Variants in NDFIP2 observed in about 807,000 individuals in gnomAD.
NDFIP2 encodes NEDD4 family-interacting protein 2.
NDFIP2 carries 19 observed loss-of-function variants against 36.0 expected under a neutral mutation model. The ratio of observed to expected loss-of-function variants is 0.53; its 90% confidence interval spans 0.37 to 0.77. The LOEUF is 0.77. NDFIP2 is among the 30% of genes least tolerant of loss of function. The pLI, the probability that NDFIP2 is intolerant of heterozygous loss-of-function variation, is 0.00. For missense variants in NDFIP2, 446 were observed against 435.8 expected, an observed-to-expected ratio of 1.02 and a Z score of -0.21; for synonymous variants, 181 against 167.7, an observed-to-expected ratio of 1.08 and a Z score of -0.61.
At chr13:79,544,388 A>G (rs1187169716) in intron 5 of NDFIP2, among the ~76,000 whole-genome samples, 1 of 152,090 alleles carries the variant, frequency 6.6e-6, no homozygotes, top group African/African-American at 2.4e-5. Flanking sequence ...TAGTCTCCAG[A>G]TAGTTTTCTG....
chr13:79,494,822 C>T (rs868057758), intron 1 of NDFIP2, among the ~76,000 whole-genome samples: 1 of 151,930 alleles, frequency 6.6e-6, no homozygotes, highest in African/African-American at 2.4e-5. Flanking sequence ...ATTTTAATGT[C>T]TGTAATACCT....
intron 1 of NDFIP2, among the ~76,000 whole-genome samples, chr13:79,518,405 TATA>T (rs1874433651): frequency 6.6e-6 from 1 of 152,242 alleles, no homozygotes; most frequent in South Asian, 2.1e-4. Context: ...TTTGTTAAGT[TATA>T]ATACATTCAC....
chr13:79,539,662 C>G lies in NDFIP2; in HGVS notation c.622-20C>G. The G allele has an allele frequency of 1.3e-6, 2 of 1,592,790 alleles. No homozygotes were observed. The highest frequency in any genetic ancestry group is 1.7e-6 in the Non-Finnish European group (2 of 1,161,362). On this transcript the variant is annotated intron_variant, in intron 3 of 7. Transcript: ENST00000218652. ...AAGTTGTAATTTTTAGTGAGCTATT[C>G]CAATGTTACATATTTACAGATTCAG... is the stretch of plus-strand genomic sequence containing the variant.
At chr13:79,535,090 A>C (rs896302891) in intron 3 of NDFIP2, among the ~76,000 whole-genome samples, 6 of 152,176 alleles carry the variant, frequency 3.9e-5, no homozygotes, top group African/African-American at 1.4e-4. Flanking sequence ...ACAGAGGAGG[A>C]GGATAGATCT....
At chr13:79,524,634 A>G (rs193150581) in intron 2 of NDFIP2, among the ~76,000 whole-genome samples, 1 of 152,364 alleles carries the variant, frequency 6.6e-6, no homozygotes, top group African/African-American at 2.4e-5. Flanking sequence ...TATTATTAAT[A>G]GGACTTTAAA....
chr13:79,503,138 T>C (rs1873730398), intron 1 of NDFIP2, among the ~76,000 whole-genome samples: 1 of 152,104 alleles, frequency 6.6e-6, no homozygotes, highest in Non-Finnish European at 1.5e-5. Context: ...AAGCTTATTT[T>C]CCTCCATGAA....
At chr13:79,526,750 A>G (rs1042118921) in intron 2 of NDFIP2, among the ~76,000 whole-genome samples, 1 of 152,208 alleles carries the variant, frequency 6.6e-6, no homozygotes, top group Non-Finnish European at 1.5e-5. Flanking sequence ...TGGCTGGTCA[A>G]GAATTTAAAA....
chr13:79,503,085 T>A (rs1481540501), intron 1 of NDFIP2, among the ~76,000 whole-genome samples: 1 of 152,022 alleles, frequency 6.6e-6, no homozygotes, highest in African/African-American at 2.4e-5. Flanking sequence ...TAATGCTAAG[T>A]TTAGAGCTGC....
At chr13:79,503,534 C>A (rs1415593969) in intron 1 of NDFIP2, among the ~76,000 whole-genome samples, 1 of 151,952 alleles carries the variant, frequency 6.6e-6, no homozygotes, top group Non-Finnish European at 1.5e-5. Flanking sequence ...AATGTTGAGG[C>A]CAGAAGGTTG....
At chr13:79,548,079 G>T (rs1453989126) in intron 5 of NDFIP2, among the ~76,000 whole-genome samples, 2 of 151,966 alleles carry the variant, frequency 1.3e-5, no homozygotes, top group East Asian at 3.8e-4. Flanking sequence ...TTCTTGCGGG[G>T]AGTTTGAAAC....
In NDFIP2 at chr13:79,520,293, G is replaced by C. The variant is rs371107007; in HGVS notation, c.322-517G>C. ...AGATGGTATTGTGGCTATGTTATTA[G>C]GATTTTTGCTTTTCTTTGTAGTATG... On this transcript the variant is annotated intron_variant, in intron 1 of 7. Coordinates refer to ENST00000218652, the MANE Select transcript of NDFIP2 (RefSeq NM_019080.3). Among the ~76,000 whole-genome samples, 11 of 152,286 alleles carry C rather than the reference G, an allele frequency of 7.2e-5. No individual in the cohort carries two copies. The East Asian group carries it at 2.1e-3, about 29-fold the overall frequency.
chr13:79,485,378 G>T (rs1872928667), intron 1 of NDFIP2, among the ~76,000 whole-genome samples: 1 of 152,208 alleles, frequency 6.6e-6, no homozygotes, highest in Non-Finnish European at 1.5e-5. Flanking sequence ...CACACACTCA[G>T]CAAGAATGTG....
At chr13:79,497,384 C>T (rs1873472250) in intron 1 of NDFIP2, among the ~76,000 whole-genome samples, 1 of 151,888 alleles carries the variant, frequency 6.6e-6, no homozygotes, top group Non-Finnish European at 1.5e-5. Flanking sequence ...CATCCTATGC[C>T]TCTGTTCCTC....
intron 2 of NDFIP2, among the ~76,000 whole-genome samples, chr13:79,526,308 T>C (rs2137092775): frequency 6.6e-6 from 1 of 152,284 alleles, no homozygotes; most frequent in Non-Finnish European, 1.5e-5. Flanking sequence ...CTAAAGAGGA[T>C]ATATCAAATA....
chr13:79,530,096 G>T (rs1002247764), intron 2 of NDFIP2, among the ~76,000 whole-genome samples: 3 of 152,052 alleles, frequency 2.0e-5, no homozygotes, highest in Non-Finnish European at 4.4e-5. Flanking sequence ...AGTGTTGATG[G>T]CTACTGACTG....
intron 3 of NDFIP2, among the ~76,000 whole-genome samples, chr13:79,538,258 A>G (rs1875320654): frequency 6.6e-6 from 1 of 152,138 alleles, no homozygotes; most frequent in Non-Finnish European, 1.5e-5. Context: ...CACAGATCGA[A>G]CCATATAATT....
chr13:79,520,731 C>A, intron 1 of NDFIP2, 79 bp from the exon 2 acceptor site: 1 of 1,354,156 alleles, frequency 7.4e-7, no homozygotes, highest in South Asian at 1.7e-5. Context: ...GATACTGTGT[C>A]TGAAATGATA....
chr13:79,538,610 G>A (rs1402187481), intron 3 of NDFIP2, among the ~76,000 whole-genome samples: 4 of 152,036 alleles, frequency 2.6e-5, no homozygotes, highest in African/African-American at 2.4e-5. Flanking sequence ...TTTTTGAGAC[G>A]GTCTCACTGT....
At chr13:79,519,670 G>A (rs1452251781) in intron 1 of NDFIP2, among the ~76,000 whole-genome samples, 4 of 152,226 alleles carry the variant, frequency 2.6e-5, no homozygotes, top group African/African-American at 9.6e-5. Flanking sequence ...ATTCAGTTAA[G>A]TAATTCAAGA....
Sources: gnomAD v4.1 joint callset for allele counts (sites outside exome capture counted in the v4.1 genomes callset) on GRCh38, gnomAD v4.1.1 for gene constraint, MANE v1.5 for transcripts, NCBI Gene and HGNC (gene_info 2026-07-23, HGNC 2026-07-21) for gene names.